The following MYH10 variants were observed in gnomAD, a reference collection of about 807,000 sequenced individuals.
The protein encoded by MYH10 is myosin-10.
A neutral mutation model predicts 257.8 loss-of-function variants in MYH10; 55 were observed. The ratio of observed to expected loss-of-function variants is 0.21; its 90% CI spans 0.17 to 0.27. MYH10 has a LOEUF of 0.27. Among genes scored for constraint, MYH10 ranks in the 10% least tolerant of loss-of-function variants. The pLI is 1.00. For synonymous variants in MYH10, 854 were observed against 921.7 expected (o/e 0.93, Z 1.33); for missense variants, 1,631 against 2,500.6 (o/e 0.65, Z 7.42).
chr17:8,572,261 TGAGAGAGAGAGAGA>T (rs66710491), intron 6 of MYH10, among the ~76,000 whole-genome samples: 2 of 147,336 alleles, frequency 1.4e-5, no homozygotes, highest in Non-Finnish European at 3.0e-5. Context: ...TGTGTGTGAG[TGAGAGAGAGAGAGA>T]GAGAGAGAGA....
At chr17:8,572,257 TGAGTGAGAGAGAGA>T (rs1567920337) in intron 6 of MYH10, among the ~76,000 whole-genome samples, 93 of 97,086 alleles carry the variant, frequency 9.6e-4, no homozygotes, top group African/African-American at 3.3e-3. Flanking sequence ...TGTGTGTGTG[TGAGTGAGAGAGAGA>T]GAGAGAGAGA....
At chr17:8,601,733 C>A (rs2084606732) in intron 3 of MYH10, among the ~76,000 whole-genome samples, 1 of 152,150 alleles carries the variant, frequency 6.6e-6, no homozygotes, top group African/African-American at 2.4e-5. Flanking sequence ...TTCATTCATT[C>A]ATTCAACAAA....
At chr17:8,625,014 C>T (rs541704126) in intron 1 of MYH10, among the ~76,000 whole-genome samples, 6 of 152,156 alleles carry the variant, frequency 3.9e-5, no homozygotes, top group Admixed American at 3.3e-4. Context: ...TTTGGGAGGC[C>T]GAGATGGGTG....
intron 2 of MYH10, among the ~76,000 whole-genome samples, chr17:8,615,877 AC>A (rs2085242272): frequency 6.6e-6 from 1 of 152,250 alleles, no homozygotes; most frequent in South Asian, 2.1e-4. Flanking sequence ...TGAAATGTTG[AC>A]AGTTTCCCCT....
rs1023632106 is a variant in MYH10 at position 8,520,816 on chromosome 17, GT to G, written c.2273+61del. On this transcript the variant is annotated intron_variant, in intron 19 of 42. Transcript: ENST00000360416. ...AAAAAGATTTCCTTATTTTATCACT[GT>G]TTTAATTCATATCAAGATAAACTCT... The G allele has an allele frequency of 1.8e-4, 278 of 1,509,936 alleles. No homozygotes were observed. In the African/African-American group the frequency reaches 3.5e-3, roughly 19 times the overall value. The allele number at this position is 1,509,936 out of a possible 1,614,324, so 93.5% of individuals were successfully genotyped here. A position where few individuals can be genotyped will look rare whatever the true frequency, so the allele number is the denominator to read the frequency against.
At chr17:8,620,834 C>G (rs945472526) in intron 2 of MYH10, among the ~76,000 whole-genome samples, 1 of 152,200 alleles carries the variant, frequency 6.6e-6, no homozygotes, top group Non-Finnish European at 1.5e-5. Flanking sequence ...CAAACCCCGA[C>G]CTCTGTGTGA....
Position 8,495,220 on chromosome 17 carries a change from T to C in MYH10, c.3973A>G (p.Thr1325Ala), listed in dbSNP as rs1916393694. The C allele has an allele frequency of 6.2e-7, 1 of 1,611,828 alleles. No homozygotes were observed. Among genetic ancestry groups the C allele is most frequent in the East Asian group, 2.2e-5 (1 of 44,868 alleles). ...TTCTTCTCTGCTTCTTCCAGAAGGGTGGAGACATTATCTAGCTCATTCTGT... is the reference window on the plus strand; with the variant it reads ...TTCTTCTCTGCTTCTTCCAGAAGGGCGGAGACATTATCTAGCTCATTCTGT... ...KLQNELDNVS[T>A]LLEEAEKKGI... The change falls in exon 31 of 43, where the codon ACC becomes GCC. Residue 1325 changes from threonine (T) to alanine (A), a missense_variant. Transcript: ENST00000360416.
rs1159891064 is a variant in MYH10, at chr17:8,552,100, G to A, written c.865C>T (p.Arg289Cys). 1.3e-6 allele frequency: 2 copies of A among 1,562,254 alleles called. No homozygotes were observed. Among genetic ancestry groups the A allele is most frequent in the African/African-American group, 1.4e-5 (1 of 73,870 alleles). The change falls in exon 9 of 43, where the codon CGT becomes TGT. Residue 289 changes from arginine (R) to cysteine (C), a missense_variant. This residue lies in a region of MYH10 where 360 missense variants were observed against 581.9 expected (regional missense o/e 0.62). Transcript: ENST00000360416. The surrounding 1 kb of genome is among the most constrained non-coding windows in gnomAD (Gnocchi z 4.8). The part of the protein sequence containing the change: ...SRAVRQAKDE[R>C]TFHIFYQLLS... The stretch of plus-strand genomic sequence containing the variant: ...AACTGGTAAAAGATATGAAAAGTAC[G>A]TTCATCTTTTGCTTGACGAACAGCA...
At chr17:8,570,898 T>G (rs111779617) in intron 6 of MYH10, among the ~76,000 whole-genome samples, 148 of 152,240 alleles carry the variant, frequency 9.7e-4, no homozygotes, top group African/African-American at 3.2e-3. Context: ...TGGGGAAGTG[T>G]TCCTCAGGCA....
chr17:8,521,482 T>C, intron 17 of MYH10, 197 bp from the exon 18 acceptor site: 1 of 596,676 alleles, frequency 1.7e-6, no homozygotes, highest in South Asian at 2.1e-5. Flanking sequence ...GGCAGGATAC[T>C]GTAGTGCTTT....
intron 21 of MYH10, among the ~76,000 whole-genome samples, chr17:8,514,636 G>A (rs569614013): frequency 6.7e-6 from 1 of 148,536 alleles, no homozygotes; most frequent in East Asian, 2.0e-4. Context: ...CCCCCCTCCT[G>A]CCAAAAACAA....
chr17:8,476,816 C>T (rs557522064), intron 42 of MYH10, 60 bp downstream of exon 42: 147 of 1,551,188 alleles, frequency 9.5e-5, no homozygotes, highest in Non-Finnish European at 1.0e-4. Context: ...AGCTGCACCC[C>T]GAGCCTAAGC....
At chr17:8,480,980 T>C (rs1413267365) in intron 38 of MYH10, among the ~76,000 whole-genome samples, 3 of 152,170 alleles carry the variant, frequency 2.0e-5, no homozygotes, top group Non-Finnish European at 2.9e-5. Context: ...AACGAAAAAA[T>C]GAATTCAGAG....
Position 8,513,780 on chromosome 17 carries a change from G to A in MYH10, c.2613+6C>T, listed in dbSNP as rs1184204516. On this transcript the variant is annotated splice_donor_region_variant and intron_variant, in intron 22 of 42. Transcript: ENST00000360416. ...AGGGATCTGGAAAGAAGTGAGCCAA[G>A]CTCACCTTTGTGAAGACTCGCCACC... The A allele has an allele frequency of 5.0e-6, 8 of 1,613,970 alleles. No individual in the cohort carries two copies. Among genetic ancestry groups the A allele is most frequent in the South Asian group, 2.2e-5 (2 of 91,044 alleles).
chr17:8,491,234 G>T (rs1915729034), intron 34 of MYH10, among the ~76,000 whole-genome samples: 1 of 152,226 alleles, frequency 6.6e-6, no homozygotes, highest in South Asian at 2.1e-4. Context: ...TCCTAGGACA[G>T]GAGGAAGGTC....
intron 4 of MYH10, among the ~76,000 whole-genome samples, chr17:8,585,736 T>C (rs1267095323): frequency 6.6e-6 from 1 of 152,062 alleles, no homozygotes; most frequent in African/African-American, 2.4e-5. Flanking sequence ...TCTGGGGTGA[T>C]GGTATTATTG....
chr17:8,485,542 C>T (rs1914620790), intron 36 of MYH10, among the ~76,000 whole-genome samples: 1 of 142,394 alleles, frequency 7.0e-6, no homozygotes. Context: ...ATCCAGAATA[C>T]AGAATTGTTT....
chr17:8,538,814 A>G (rs779281635), intron 14 of MYH10, among the ~76,000 whole-genome samples: 2 of 152,194 alleles, frequency 1.3e-5, no homozygotes, highest in Admixed American at 6.5e-5. Context: ...CCCAGCTCCA[A>G]TACTTTCTGA....
intron 30 of MYH10, among the ~76,000 whole-genome samples, chr17:8,498,551 G>A (rs542872276): frequency 1.3e-5 from 2 of 152,138 alleles, no homozygotes; most frequent in East Asian, 1.9e-4. Context: ...CTGTCCTTTA[G>A]AAGAGGTTGC....
Sources: gnomAD v4.1 joint callset for allele counts (sites outside exome capture counted in the v4.1 genomes callset) on GRCh38, gnomAD v4.1.1 for gene constraint, gnomAD v4.1.1 regional missense constraint, Gnocchi (gnomAD v3.1) non-coding constraint, MANE v1.5 for transcripts, NCBI Gene and HGNC (gene_info 2026-07-23, HGNC 2026-07-21) for gene names.